The following TENT4B variants were observed in gnomAD, a reference collection of about 807,000 sequenced individuals.
TENT4B encodes the protein PAP associated domain containing 5.
Under a neutral mutation model 75.0 loss-of-function variants are expected in TENT4B, and 10 were observed. That is an observed-to-expected ratio of 0.13 (90% CI 0.08 to 0.23). The LOEUF (loss-of-function observed/expected upper bound fraction) is 0.23. TENT4B is among the 10% of genes least tolerant of loss of function. The probability of loss-of-function intolerance (pLI) is 1.00; values close to 1 mark genes in which losing one functional copy is unlikely to be tolerated. For missense variants in TENT4B, 579 were observed against 893.8 expected (o/e 0.65, Z 4.49); for synonymous variants, 350 against 357.7 (o/e 0.98, Z 0.24).
intron 1 of TENT4B, among the ~76,000 whole-genome samples, chr16:50,168,093 A>G (rs113167541): frequency 0.022 from 3,076 of 141,910 alleles, 103 homozygotes; most frequent in African/African-American, 0.074. Context: ...GTGAGACCCT[A>G]TCTCCATAAA....
chr16:50,155,065 A>G (rs2037865091), intron 1 of TENT4B, among the ~76,000 whole-genome samples: 1 of 152,104 alleles, frequency 6.6e-6, no homozygotes, highest in African/African-American at 2.4e-5. Context: ...GGGGGTAGAG[A>G]TTTATGCTAA....
chr16:50,214,527 GC>G (rs1567508429), intron 3 of TENT4B, among the ~76,000 whole-genome samples: 1 of 152,096 alleles, frequency 6.6e-6, no homozygotes, highest in Non-Finnish European at 1.5e-5. Context: ...GTAGCAGTGC[GC>G]ACCTGTAATC....
At chr16:50,185,033 C>T (rs926085908) in intron 1 of TENT4B, among the ~76,000 whole-genome samples, 2 of 152,034 alleles carry the variant, frequency 1.3e-5, no homozygotes, top group Non-Finnish European at 2.9e-5. Context: ...ATTGTGCAGG[C>T]GAGTGAGAAA....
At chr16:50,207,982 G>A (rs927753532) in intron 1 of TENT4B, among the ~76,000 whole-genome samples, 2 of 152,272 alleles carry the variant, frequency 1.3e-5, no homozygotes, top group African/African-American at 2.4e-5. Flanking sequence ...TATTTCCTCA[G>A]TATTCCAAGA....
At chr16:50,214,127 T>C in intron 2 of TENT4B, 94 bp from the exon 3 acceptor site, 1 of 945,748 alleles carries the variant, frequency 1.1e-6, no homozygotes. Flanking sequence ...CAGTAGAGGG[T>C]AGCAAAAACT....
rs961887708 is a variant in TENT4B, at chr16:50,231,426, T to A, written c.*2098T>A. ...TTCAGACACTTAATACTTGCAGAGA[T>A]CTATGTTACATTTACCACACTGAAG... On this transcript the variant is annotated 3_prime_UTR_variant, in exon 12 of 12. Coordinates refer to ENST00000561678, the MANE Select transcript of TENT4B (RefSeq NM_001365324.3). 4.8e-5 allele frequency: 47 copies of A among 984,888 alleles called. No homozygotes were observed. The highest frequency in any genetic ancestry group is 5.5e-5 in the Non-Finnish European group (46 of 829,166). 61.0% of individuals were successfully genotyped at this position (984,888 alleles called of 1,614,324 possible).
chr16:50,230,670 AC>A lies in TENT4B; in HGVS notation c.*1343del, dbSNP rs1337943719. 2 of 985,494 alleles carry A rather than the reference AC, an allele frequency of 2.0e-6. No individual in the cohort carries two copies. Among genetic ancestry groups the A allele is most frequent in the Non-Finnish European group, 2.4e-6 (2 of 829,788 alleles). 61.0% of individuals were successfully genotyped at this position (985,494 alleles called of 1,614,324 possible). Reference sequence around the variant, plus strand: ...CATGGAATTGTTATCGTTAATTAAAACTTTTTTAAACATTGGCTTGTTTCAA... The same window carrying A: ...CATGGAATTGTTATCGTTAATTAAAATTTTTTAAACATTGGCTTGTTTCAA... On this transcript the variant is annotated 3_prime_UTR_variant, in exon 12 of 12. Transcript: ENST00000561678.
chr16:50,153,002 G>T (rs778986759), upstream of TENT4B: 4 of 1,517,502 alleles, frequency 2.6e-6, no homozygotes, highest in Admixed American at 8.1e-5. Flanking sequence ...CGGAGAAGCC[G>T]CGCGCGCCTC....
intron 1 of TENT4B, among the ~76,000 whole-genome samples, chr16:50,187,745 C>T (rs1416367181): frequency 1.3e-5 from 2 of 151,850 alleles, no homozygotes; most frequent in East Asian, 3.9e-4. Flanking sequence ...GCACATAAGG[C>T]CTGGCACGGT....
chr16:50,153,023 G>A (rs1464400476), upstream of TENT4B: 1 of 1,515,834 alleles, frequency 6.6e-7, no homozygotes. Context: ...AGAAGCTCCC[G>A]GACGCCCAGG....
At chr16:50,222,854 G>T (rs1194714652) in intron 6 of TENT4B, among the ~76,000 whole-genome samples, 1 of 152,170 alleles carries the variant, frequency 6.6e-6, no homozygotes, top group Non-Finnish European at 1.5e-5. Flanking sequence ...TGTTTATGTG[G>T]CACAGGGTTG....
At chr16:50,216,735 G>A (rs2031575491) in intron 4 of TENT4B, among the ~76,000 whole-genome samples, 1 of 151,888 alleles carries the variant, frequency 6.6e-6, no homozygotes, top group East Asian at 1.9e-4. Context: ...GCCCAGGCTG[G>A]TCTCTAACTC....
chr16:50,223,948 C>T (rs1266660890), intron 7 of TENT4B, among the ~76,000 whole-genome samples: 1 of 152,146 alleles, frequency 6.6e-6, no homozygotes, highest in Non-Finnish European at 1.5e-5. Flanking sequence ...GTTCTGTTTG[C>T]TTGCTTGTGT....
At chr16:50,223,085 T>C (rs1410415280) in intron 6 of TENT4B, 89 bp from the exon 7 acceptor site, 2 of 1,094,720 alleles carry the variant, frequency 1.8e-6, no homozygotes, top group South Asian at 1.6e-5. Context: ...TATAATAATA[T>C]TGCTTGTAGA....
In TENT4B at chr16:50,154,074, C is replaced by A; in HGVS notation, c.453C>A (p.Ala151=). 6 of 1,532,280 alleles carry A rather than the reference C, an allele frequency of 3.9e-6. No individual in the cohort carries two copies. Among genetic ancestry groups the A allele is most frequent in the Non-Finnish European group, 5.2e-6 (6 of 1,145,314 alleles). The allele number at this position is 1,532,280 out of a possible 1,614,324, so 94.9% of individuals were successfully genotyped here. A position where few individuals can be genotyped will look rare whatever the true frequency, so the allele number is the denominator to read the frequency against. The change falls in exon 1 of 12, where the codon GCC becomes GCA. Residue 151 remains alanine, a synonymous_variant. Coordinates refer to ENST00000561678, the MANE Select transcript of TENT4B (RefSeq NM_001365324.3). ...PSAAVPAADP[A]DSASGSSNKR... is the part of the protein sequence containing the mutation. The stretch of plus-strand genomic sequence containing the variant: ...CCGCCGTCCCCGCCGCCGATCCAGC[C>A]GATTCGGCCTCGGGCAGCAGCAACA...
At chr16:50,180,152 G>A (rs1213976801) in intron 1 of TENT4B, among the ~76,000 whole-genome samples, 1 of 149,956 alleles carries the variant, frequency 6.7e-6, no homozygotes, top group Non-Finnish European at 1.5e-5. Flanking sequence ...TGCCCAGGCT[G>A]GAGTGCAATG....
intron 1 of TENT4B, among the ~76,000 whole-genome samples, chr16:50,198,632 C>T (rs1023902442): frequency 6.6e-6 from 1 of 151,976 alleles, no homozygotes; most frequent in African/African-American, 2.4e-5. Context: ...TAAAATCCCA[C>T]TGATTTTTTT....
At chr16:50,182,336 T>C (rs1214031222) in intron 1 of TENT4B, among the ~76,000 whole-genome samples, 1 of 152,242 alleles carries the variant, frequency 6.6e-6, no homozygotes, top group Non-Finnish European at 1.5e-5. Context: ...TTCATGTCAG[T>C]GTTAGAAACT....
intron 1 of TENT4B, among the ~76,000 whole-genome samples, chr16:50,207,995 T>C (rs2031076699): frequency 6.6e-6 from 1 of 150,990 alleles, no homozygotes. Context: ...TTCCAAGATA[T>C]TTTATCTGGT....
Sources: allele counts gnomAD v4.1 joint callset (sites outside exome capture counted in the v4.1 genomes callset), GRCh38; gene constraint gnomAD v4.1.1; transcripts MANE v1.5; gene names NCBI Gene and HGNC (gene_info 2026-07-23, HGNC 2026-07-21).